Variants in MRTFA observed in about 807,000 individuals in gnomAD.
MRTFA encodes the protein myocardin-related transcription factor A.
A neutral mutation model predicts 83.5 loss-of-function variants in MRTFA; 20 were observed. The observed-to-expected ratio is 0.24, with a 90% CI of 0.17 to 0.35. The LOEUF (loss-of-function observed/expected upper bound fraction) is 0.35, where lower values mean the gene tolerates loss of function less well. Among genes scored for constraint, MRTFA ranks in the 10% least tolerant of loss-of-function variants. The pLI is 1.00. For missense variants in MRTFA, 1,200 were observed against 1,224.7 expected, an observed-to-expected ratio of 0.98 and a Z score of 0.30; for synonymous variants, 659 against 541.2, an observed-to-expected ratio of 1.22 and a Z score of -3.02.
chr22:40,577,750 G>A (rs1322732895), intron 2 of MRTFA, among the ~76,000 whole-genome samples: 6 of 148,964 alleles, frequency 4.0e-5, no homozygotes, highest in Admixed American at 2.0e-4. Flanking sequence ...GGGATTACAG[G>A]CATACACCAC....
At chr22:40,576,088 G>C (rs1602451519) in intron 2 of MRTFA, among the ~76,000 whole-genome samples, 1 of 150,542 alleles carries the variant, frequency 6.6e-6, no homozygotes, top group African/African-American at 2.4e-5. Flanking sequence ...GAGTACAGTG[G>C]CATGATCTCG....
intron 3 of MRTFA, among the ~76,000 whole-genome samples, chr22:40,463,745 ACT>A (rs1394535400): frequency 6.6e-6 from 1 of 152,096 alleles, no homozygotes; most frequent in Non-Finnish European, 1.5e-5. Flanking sequence ...CTATTTGTAA[ACT>A]CTTTTTCTTT....
At chr22:40,515,333 C>A (rs2054739849) in intron 3 of MRTFA, among the ~76,000 whole-genome samples, 4 of 152,106 alleles carry the variant, frequency 2.6e-5, no homozygotes, top group Admixed American at 6.6e-5. Flanking sequence ...AAGACACCTG[C>A]CTTTATAGCA....
chr22:40,501,693 T>A (rs1419986588), intron 3 of MRTFA, among the ~76,000 whole-genome samples: 1 of 32,252 alleles, frequency 3.1e-5, no homozygotes, highest in Non-Finnish European at 5.9e-5. Context: ...CCCCCCCACC[T>A]CCCTCCCGGA....
intron 3 of MRTFA, among the ~76,000 whole-genome samples, chr22:40,534,705 G>A (rs886878179): frequency 1.3e-5 from 2 of 152,138 alleles, no homozygotes; most frequent in African/African-American, 4.8e-5. Context: ...TCATAACAAT[G>A]ATATTAAGAT....
intron 2 of MRTFA, among the ~76,000 whole-genome samples, chr22:40,584,233 T>C (rs2055990965): frequency 6.6e-6 from 1 of 152,220 alleles, no homozygotes; most frequent in Non-Finnish European, 1.5e-5. Flanking sequence ...TGGTTTCCGA[T>C]GCTAAGAAAC....
chr22:40,567,247 C>G (rs1396431303), intron 2 of MRTFA, among the ~76,000 whole-genome samples: 1 of 152,218 alleles, frequency 6.6e-6, no homozygotes, highest in Non-Finnish European at 1.5e-5. Context: ...GACTTCATTA[C>G]ATTCCTTGAA....
intron 2 of MRTFA, among the ~76,000 whole-genome samples, chr22:40,557,445 TCTG>T (rs1569326893): frequency 6.6e-6 from 1 of 152,180 alleles, no homozygotes; most frequent in Non-Finnish European, 1.5e-5. Context: ...AGTAAAATCT[TCTG>T]CTATTTGGCA....
chr22:40,608,297 T>C (rs1010533351), intron 1 of MRTFA, among the ~76,000 whole-genome samples: 4 of 152,180 alleles, frequency 2.6e-5, no homozygotes, highest in Non-Finnish European at 4.4e-5. Flanking sequence ...ATTACAGGCA[T>C]GAGCCACCAT....
chr22:40,595,781 G>T (rs915529486), intron 1 of MRTFA, among the ~76,000 whole-genome samples: 3 of 149,084 alleles, frequency 2.0e-5, no homozygotes, highest in African/African-American at 7.4e-5. Context: ...AGTTAGATCA[G>T]CAAAGAGTGG....
intron 2 of MRTFA, among the ~76,000 whole-genome samples, chr22:40,580,794 T>C (rs1462378575): frequency 1.3e-5 from 2 of 152,136 alleles, no homozygotes; most frequent in Non-Finnish European, 2.9e-5. Flanking sequence ...TGTGTTTGTT[T>C]AAAAGATGGG....
chr22:40,553,018 G>A lies in MRTFA; in HGVS notation c.-21-651C>T, dbSNP rs115620808. Among the ~76,000 whole-genome samples, 665 of 152,300 alleles carry A rather than the reference G, an allele frequency of 4.4e-3. 11 individuals carry two copies. The highest frequency in any genetic ancestry group is 0.015 in the African/African-American group (630 of 41,568). On this transcript the variant is annotated intron_variant, in intron 2 of 14. Transcript: ENST00000355630. Reference sequence around the variant, plus strand: ...TCAGATGGAGATGAGGAACTTGTTGGAAACTTATATAAAGGTGATTCTTGC... The same window carrying A: ...TCAGATGGAGATGAGGAACTTGTTGAAAACTTATATAAAGGTGATTCTTGC...
chr22:40,601,545 C>CTTA (rs1412087963), intron 1 of MRTFA, among the ~76,000 whole-genome samples: 1 of 152,114 alleles, frequency 6.6e-6, no homozygotes, highest in Non-Finnish European at 1.5e-5. Flanking sequence ...ATTTTACTGT[C>CTTA]TTATAGTAGC....
chr22:40,601,509 T>G (rs1035336671), intron 1 of MRTFA, among the ~76,000 whole-genome samples: 2 of 152,150 alleles, frequency 1.3e-5, no homozygotes, highest in Non-Finnish European at 2.9e-5. Context: ...ATGCCCAACT[T>G]CGAAATAATG....
At chr22:40,528,737 CAA>C (rs11321951) in intron 3 of MRTFA, among the ~76,000 whole-genome samples, 1,616 of 116,578 alleles carry the variant, frequency 0.014, 11 homozygotes, top group Middle Eastern at 0.018. Context: ...AACTCTGCTT[CAA>C]AAAAAAAAAA....
intron 3 of MRTFA, among the ~76,000 whole-genome samples, chr22:40,476,027 C>A (rs1425189984): frequency 6.6e-6 from 1 of 151,912 alleles, no homozygotes; most frequent in African/African-American, 2.4e-5. Flanking sequence ...GCCTGTAGTC[C>A]CAGCTACTCG....
chr22:40,419,159 C>T lies in MRTFA; in HGVS notation c.1579G>A (p.Ala527Thr). 1.3e-6 allele frequency: 2 copies of T among 1,584,844 alleles called. No homozygotes were observed. Among genetic ancestry groups the T allele is most frequent in the Non-Finnish European group, 8.6e-7 (1 of 1,165,380 alleles). ...GTGGCCACCACCACCTCAGCTGGAG[C>T]CAGGCCTGCTGCCACCAGGGCTGGC... Residue 527 changes from alanine to threonine, a missense_variant, in exon 12 of 15, where the codon GCT becomes ACT. By Grantham distance (58) the Ala-to-Thr change is moderately conservative. Around this residue, in one of 2 missense-constraint regions of MRTFA, gnomAD observed 1,107 missense variants for 1,041.8 expected, o/e 1.06. Transcript: ENST00000355630.
intron 2 of MRTFA, among the ~76,000 whole-genome samples, chr22:40,558,345 G>C (rs2055563481): frequency 7.0e-6 from 1 of 143,126 alleles, no homozygotes; most frequent in South Asian, 2.2e-4. Context: ...GGCCTAAAGT[G>C]ATCCTCCTAC....
rs1421107033 is a variant in MRTFA at position 40,411,965 on chromosome 22, G to A, written c.2579-58C>T. The A allele has an allele frequency of 2.2e-6, 3 of 1,369,680 alleles. No homozygotes were observed. The Admixed American group carries it at 8.2e-5, about 37-fold the overall frequency. The allele number at this position is 1,369,680 out of a possible 1,614,324, so 84.8% of individuals were successfully genotyped here. On this transcript the variant is annotated intron_variant, in intron 14 of 14. Transcript: ENST00000355630. The stretch of plus-strand genomic sequence containing the variant: ...AGAAGCCAAGCCTGTATATCTACAT[G>A]CAAAAGAATGAAGGTGGACCCCCCA...
Sources: allele counts gnomAD v4.1 joint callset (sites outside exome capture counted in the v4.1 genomes callset), GRCh38; gene constraint gnomAD v4.1.1; regional missense constraint gnomAD v4.1.1; transcripts MANE v1.5; gene names NCBI Gene and HGNC (gene_info 2026-07-23, HGNC 2026-07-21).